Variants in USP32 observed in about 807,000 individuals in gnomAD.
The protein encoded by USP32 is ubiquitin carboxyl-terminal hydrolase 32.
In USP32, 59 loss-of-function variants were observed where a neutral mutation model predicts 204.8. The observed-to-expected ratio is 0.29, with a 90% confidence interval of 0.23 to 0.36. The LOEUF (loss-of-function observed/expected upper bound fraction) is 0.36, where lower values mean the gene tolerates loss of function less well. Ranked by LOEUF, USP32 falls within the 10% of genes least tolerant of loss-of-function variation. The pLI, the probability that USP32 is intolerant of heterozygous loss-of-function variation, is 1.00. For missense variants in USP32, 1,160 were observed against 1,946.4 expected, an observed-to-expected ratio of 0.60 and a Z score of 7.60; for synonymous variants, 517 against 678.4, an observed-to-expected ratio of 0.76 and a Z score of 3.70.
intron 15 of USP32, among the ~76,000 whole-genome samples, chr17:60,221,001 G>T (rs995538930): frequency 3.3e-5 from 5 of 152,040 alleles, no homozygotes; most frequent in South Asian, 4.2e-4. Flanking sequence ...TAAGTCTCAG[G>T]TGACCAGGCT....
intron 1 of USP32, among the ~76,000 whole-genome samples, chr17:60,380,211 A>G (rs1366046334): frequency 6.6e-6 from 1 of 152,190 alleles, no homozygotes; most frequent in Admixed American, 6.5e-5. Flanking sequence ...GAATAGATAA[A>G]AGCAGTCTAT....
intron 27 of USP32, 112 bp downstream of exon 27, chr17:60,198,148 C>T: frequency 7.1e-7 from 1 of 1,403,300 alleles, no homozygotes; most frequent in Non-Finnish European, 9.6e-7. Context: ...AGTGGTTCTT[C>T]CAAGAGTGAT....
intron 1 of USP32, among the ~76,000 whole-genome samples, chr17:60,385,723 T>G (rs1399987488): frequency 6.7e-6 from 1 of 150,358 alleles, no homozygotes; most frequent in African/African-American, 2.5e-5. Context: ...GTGCCTGTAA[T>G]CCCAGCTACT....
intron 2 of USP32, among the ~76,000 whole-genome samples, chr17:60,327,112 G>C (rs1319253318): frequency 1.5e-4 from 23 of 152,180 alleles, no homozygotes; most frequent in Admixed American, 1.5e-3. Flanking sequence ...TTTTCAAATA[G>C]CTAGACGACC....
Position 60,278,786 on chromosome 17 carries a change from G to C in USP32, c.572-7305C>G, listed in dbSNP as rs145562207. ...TTCAAAGAGAAGATGACTTGGAGCT[G>C]CTAGACTGCTTGGAGAGGACTATTC... On this transcript the variant is annotated intron_variant, in intron 5 of 33. Coordinates refer to ENST00000300896, the MANE Select transcript of USP32 (RefSeq NM_032582.4). Among the ~76,000 whole-genome samples, 1,334 of 152,300 alleles carry C rather than the reference G, an allele frequency of 8.8e-3. 25 individuals are homozygous for C. The highest frequency in any genetic ancestry group is 0.029 in the African/African-American group (1,225 of 41,574).
At chr17:60,392,200 C>G (rs745679907), upstream of USP32, 2 of 526,114 alleles carry the variant, frequency 3.8e-6, no homozygotes, top group African/African-American at 4.0e-5. Flanking sequence ...TCTCTCCTCC[C>G]TCTCCTTCCC....
At chr17:60,281,550 A>T (rs1488507349) in intron 5 of USP32, among the ~76,000 whole-genome samples, 2 of 151,924 alleles carry the variant, frequency 1.3e-5, no homozygotes, top group African/African-American at 4.8e-5. Context: ...AAAAAAAAAA[A>T]TGCTGTATAC....
intron 29 of USP32, among the ~76,000 whole-genome samples, chr17:60,189,920 T>C (rs865846581): frequency 6.6e-6 from 1 of 152,196 alleles, no homozygotes; most frequent in Non-Finnish European, 1.5e-5. Flanking sequence ...TATTAATATT[T>C]TTGAAATTTA....
chr17:60,359,968 C>T (rs1567873682), intron 1 of USP32, among the ~76,000 whole-genome samples: 2 of 151,672 alleles, frequency 1.3e-5, no homozygotes, highest in South Asian at 4.2e-4. Context: ...CCCAGGTTCA[C>T]ACCATTCTCC....
At chr17:60,355,006 C>T (rs755389048) in intron 1 of USP32, among the ~76,000 whole-genome samples, 3 of 152,096 alleles carry the variant, frequency 2.0e-5, no homozygotes, top group South Asian at 2.1e-4. Context: ...ATAGCGCCAC[C>T]GCACCCCAGC....
At chr17:60,387,879 T>C (rs1317191826) in intron 1 of USP32, among the ~76,000 whole-genome samples, 1 of 152,202 alleles carries the variant, frequency 6.6e-6, no homozygotes, top group Non-Finnish European at 1.5e-5. Flanking sequence ...ATTAATACTA[T>C]GGTTATTAAT....
At chr17:60,382,391 G>A (rs978737235) in intron 1 of USP32, among the ~76,000 whole-genome samples, 2 of 152,072 alleles carry the variant, frequency 1.3e-5, no homozygotes, top group African/African-American at 4.8e-5. Context: ...CCACAATTCG[G>A]GAGACCTGAA....
intron 5 of USP32, among the ~76,000 whole-genome samples, chr17:60,275,282 C>T (rs531224052): frequency 1.4e-4 from 21 of 152,212 alleles, no homozygotes; most frequent in African/African-American, 4.8e-4. Context: ...CATGGTGAAA[C>T]GCCATCTCTA....
chr17:60,369,033 C>T (rs1397822671), intron 1 of USP32, among the ~76,000 whole-genome samples: 1 of 107,400 alleles, frequency 9.3e-6, no homozygotes, highest in Non-Finnish European at 1.6e-5. Flanking sequence ...CTCGCTCTGT[C>T]GCCCAGGCTG....
chr17:60,363,861 AGAAG>A (rs1202970534), intron 1 of USP32, among the ~76,000 whole-genome samples: 1 of 151,620 alleles, frequency 6.6e-6, no homozygotes. Context: ...TGTTTTTGGG[AGAAG>A]GAAGGAGGAA....
chr17:60,283,906 G>T lies in USP32; in HGVS notation c.571+4617C>A, dbSNP rs546823032. Among the ~76,000 whole-genome samples the T allele has an allele frequency of 3.5e-3, 536 of 152,214 alleles. 5 individuals are homozygous for T. The highest frequency in any genetic ancestry group is 0.022 in the South Asian group (104 of 4,814). ...GAAGCAAAGAATGTACATCATCCGAGAACAAACTAGAGCGAAGGGCTGATC... is the reference window on the plus strand; with the variant it reads ...GAAGCAAAGAATGTACATCATCCGATAACAAACTAGAGCGAAGGGCTGATC... On this transcript the variant is annotated intron_variant, in intron 5 of 33. Transcript: ENST00000300896.
At chr17:60,229,983 T>TGG (rs1422549113) in intron 12 of USP32, among the ~76,000 whole-genome samples, 2 of 152,152 alleles carry the variant, frequency 1.3e-5, no homozygotes, top group Non-Finnish European at 2.9e-5. Flanking sequence ...CTGGCTAATT[T>TGG]TTGTATTTCT....
At chr17:60,237,112 C>CTCTATCTATCTA (rs35524070) in intron 11 of USP32, among the ~76,000 whole-genome samples, 24 of 138,134 alleles carry the variant, frequency 1.7e-4, no homozygotes, top group Non-Finnish European at 2.8e-4. Context: ...AAAAAATCTA[C>CTCTATCTATCTA]TCTATCTATC....
In USP32 at chr17:60,208,844, A is replaced by G. The variant is rs527264229; in HGVS notation, c.2599-16T>C. 6.5e-7 allele frequency: 1 copy of G among 1,543,502 alleles called. No homozygotes were observed. The highest frequency in any genetic ancestry group is 2.1e-5 in the Admixed American group (1 of 47,440). Reference sequence around the variant, plus strand: ...TGTCCCAGGCCTAGCAATAAAAAAGATGAGAATTTTCTCTCAAAATCCAAA... The same window carrying G: ...TGTCCCAGGCCTAGCAATAAAAAAGGTGAGAATTTTCTCTCAAAATCCAAA... On this transcript the variant is annotated splice_polypyrimidine_tract_variant and intron_variant, in intron 22 of 33. Coordinates refer to ENST00000300896, the MANE Select transcript of USP32 (RefSeq NM_032582.4).
Sources: gnomAD v4.1 joint callset for allele counts (sites outside exome capture counted in the v4.1 genomes callset) on GRCh38, gnomAD v4.1.1 for gene constraint, MANE v1.5 for transcripts, NCBI Gene and HGNC (gene_info 2026-07-23, HGNC 2026-07-21) for gene names.